Variants in LMNTD1 observed in about 807,000 individuals in gnomAD.
LMNTD1 encodes the protein lamin tail domain containing 1, also known as lamin tail domain-containing protein 1.
LMNTD1 carries 35 observed loss-of-function variants against 50.9 expected under a neutral mutation model. That is an observed-to-expected ratio of 0.69 (90% CI 0.53 to 0.91). The LOEUF (loss-of-function observed/expected upper bound fraction) is 0.91. Among genes scored for constraint, LMNTD1 ranks in the 40% least tolerant of loss-of-function variants. LMNTD1 has a pLI of 0.00. For missense variants in LMNTD1, 470 were observed against 475.5 expected, an observed-to-expected ratio of 0.99 and a Z score of 0.11; for synonymous variants, 153 against 161.9, an observed-to-expected ratio of 0.94 and a Z score of 0.42.
Position 25,526,922 on chromosome 12 carries a change from A to G in LMNTD1, c.525T>C (p.Asn175=). ...SLGDVEIAEV[N]VKGLFVKLIN... ...TGAGCTTCACGAACAAACCCTTGAC[A>G]TTCACTTCAGCTATTTCAACATCTC... Residue 175 remains asparagine (N), a synonymous_variant, in exon 5 of 10, where the codon AAT becomes AAC. Transcript: ENST00000458174. 6.2e-7 allele frequency: 1 copy of G among 1,610,528 alleles called. No homozygotes were observed.
intron 1 of LMNTD1, among the ~76,000 whole-genome samples, chr12:25,647,714 C>T (rs1365635287): frequency 4.6e-5 from 7 of 152,126 alleles, no homozygotes. Flanking sequence ...CTTCTGAGTT[C>T]TCAGTACTAT....
At chr12:25,553,546 CTTT>C (rs200812611), upstream of LMNTD1, among the ~76,000 whole-genome samples, 1 of 151,936 alleles carries the variant, frequency 6.6e-6, no homozygotes, top group South Asian at 2.1e-4. Context: ...CTCTTTTCTT[CTTT>C]TTTTTCTTTC....
intron 1 of LMNTD1, among the ~76,000 whole-genome samples, chr12:25,644,668 G>A (rs1020870200): frequency 6.6e-6 from 1 of 152,154 alleles, no homozygotes; most frequent in Non-Finnish European, 1.5e-5. Context: ...CAGAACTTGC[G>A]TATATGTTGC....
At chr12:25,646,964 AC>A (rs1399830559) in intron 1 of LMNTD1, among the ~76,000 whole-genome samples, 1 of 152,188 alleles carries the variant, frequency 6.6e-6, no homozygotes, top group Non-Finnish European at 1.5e-5. Context: ...CTTGTTTAAG[AC>A]CCATCAACTA....
At position 25,519,901 on chromosome 12, in the gene LMNTD1, T is replaced by A; in HGVS notation, c.973A>T (p.Ile325Phe). Residue 325 changes from isoleucine to phenylalanine, a missense_variant, in exon 7 of 10, where the codon ATC becomes TTC. Physicochemically the swap from Ile to Phe is conservative, Grantham distance 21. Coordinates refer to ENST00000458174, the MANE Select transcript of LMNTD1 (RefSeq NM_001145728.2). ...GCTTGTTCCACCTGATAATTTGAGATATCTTTCTTAGGTTGATCTTGTTTT... is the reference window on the plus strand; with the variant it reads ...GCTTGTTCCACCTGATAATTTGAGAAATCTTTCTTAGGTTGATCTTGTTTT... ...KEKQDQPKKD[I>F]SNYQVEQAQV... 2 of 1,612,188 alleles carry A rather than the reference T, an allele frequency of 1.2e-6. No individual in the cohort carries two copies. The highest frequency in any genetic ancestry group is 1.7e-6 in the Non-Finnish European group (2 of 1,179,332).
intron 1 of LMNTD1, among the ~76,000 whole-genome samples, chr12:25,568,436 C>G (rs1370088682): frequency 6.6e-6 from 1 of 152,168 alleles, no homozygotes; most frequent in South Asian, 2.1e-4. Context: ...AAAGAAAAGC[C>G]CATTTTCAGG....
At chr12:25,619,252 C>CTATATATATATATA (rs71450756) in intron 1 of LMNTD1, among the ~76,000 whole-genome samples, 38 of 84,402 alleles carry the variant, frequency 4.5e-4, no homozygotes, top group South Asian at 2.4e-3. Context: ...CTCTCTCTCT[C>CTATATATATATATA]TATATATATA....
intron 1 of LMNTD1, among the ~76,000 whole-genome samples, chr12:25,565,367 G>A (rs1944515267): frequency 1.3e-5 from 2 of 151,716 alleles, no homozygotes; most frequent in South Asian, 4.2e-4. Flanking sequence ...TTATTCTGAG[G>A]TTATCATGAG....
chr12:25,625,572 C>G (rs891021529), intron 1 of LMNTD1, among the ~76,000 whole-genome samples: 1 of 152,172 alleles, frequency 6.6e-6, no homozygotes, highest in African/African-American at 2.4e-5. Context: ...ACCTTCCATG[C>G]CTTCTCCAAT....
intron 1 of LMNTD1, among the ~76,000 whole-genome samples, chr12:25,562,201 C>T (rs1294332275): frequency 6.6e-6 from 1 of 152,162 alleles, no homozygotes; most frequent in Non-Finnish European, 1.5e-5. Flanking sequence ...GGTTATGTTG[C>T]TCATTATTGA....
chr12:25,609,971 G>A (rs1297744842), intron 1 of LMNTD1, among the ~76,000 whole-genome samples: 1 of 152,142 alleles, frequency 6.6e-6, no homozygotes, highest in African/African-American at 2.4e-5. Flanking sequence ...AAAGGCAGGT[G>A]GGCCTAGTTG....
At chr12:25,606,493 T>C (rs1339122411) in intron 1 of LMNTD1, among the ~76,000 whole-genome samples, 1 of 152,220 alleles carries the variant, frequency 6.6e-6, no homozygotes, top group Non-Finnish European at 1.5e-5. Flanking sequence ...CTTATTATTT[T>C]GAGATACATC....
intron 2 of LMNTD1, among the ~76,000 whole-genome samples, chr12:25,552,581 GAAAAAAA>G (rs55848800): frequency 3.4e-5 from 2 of 58,154 alleles, no homozygotes; most frequent in Non-Finnish European, 6.5e-5. Context: ...CACTCTGTCT[GAAAAAAA>G]AAAAAAAAAA....
At chr12:25,607,664 T>C (rs1946144402) in intron 1 of LMNTD1, among the ~76,000 whole-genome samples, 1 of 152,260 alleles carries the variant, frequency 6.6e-6, no homozygotes, top group Non-Finnish European at 1.5e-5. Flanking sequence ...TTCTTAATCC[T>C]GAATTCTAAT....
intron 1 of LMNTD1, among the ~76,000 whole-genome samples, chr12:25,562,383 C>T (rs1301304842): frequency 6.6e-6 from 1 of 152,112 alleles, no homozygotes; most frequent in African/African-American, 2.4e-5. Context: ...TTTATTTCTC[C>T]TTCACTTATG....
At chr12:25,573,224 C>A (rs768748821) in intron 1 of LMNTD1, among the ~76,000 whole-genome samples, 29 of 152,150 alleles carry the variant, frequency 1.9e-4, no homozygotes, top group Admixed American at 1.0e-3. Context: ...ACCATTACAT[C>A]TTTTTGACTC....
At chr12:25,515,021 A>G (rs1377059527) in intron 8 of LMNTD1, among the ~76,000 whole-genome samples, 1 of 152,146 alleles carries the variant, frequency 6.6e-6, no homozygotes, top group Non-Finnish European at 1.5e-5. Flanking sequence ...AGTTGAAGAT[A>G]CAGGTACCAT....
intron 1 of LMNTD1, among the ~76,000 whole-genome samples, chr12:25,641,685 A>G (rs1403070297): frequency 1.3e-5 from 2 of 152,174 alleles, no homozygotes; most frequent in Admixed American, 1.3e-4. Context: ...TTTAAAGTGT[A>G]TATTTCATAT....
intron 4 of LMNTD1, 108 bp from the exon 5 acceptor site, chr12:25,527,063 A>T: frequency 1.4e-6 from 1 of 721,142 alleles, no homozygotes. Flanking sequence ...TAAACTGTAT[A>T]TTCTATTGGG....
Sources: allele counts gnomAD v4.1 joint callset (sites outside exome capture counted in the v4.1 genomes callset), GRCh38; gene constraint gnomAD v4.1.1; transcripts MANE v1.5; gene names NCBI Gene and HGNC (gene_info 2026-07-23, HGNC 2026-07-21).